The following COL23A1 variants were observed in gnomAD, a reference collection of about 807,000 sequenced individuals.
COL23A1 encodes the protein collagen alpha-1(XXIII) chain.
In COL23A1, 97 loss-of-function variants were observed where a neutral mutation model predicts 99.3. The observed-to-expected ratio is 0.98, with a 90% CI of 0.83 to 1.16. The LOEUF is 1.16. Among genes scored for constraint, COL23A1 ranks in the 50% most tolerant of loss-of-function variants. COL23A1 has a pLI of 0.00. For synonymous variants in COL23A1, 320 were observed against 308.2 expected, an observed-to-expected ratio of 1.04 and a Z score of -0.40; for missense variants, 762 against 757.4, an observed-to-expected ratio of 1.01 and a Z score of -0.07.
chr5:178,468,046 C>T lies in COL23A1; in HGVS notation c.361+92636G>A, dbSNP rs1037023862. ...ACAGGCGTATTTAATATCCCACCCA[C>T]GCATCACCTAACAGCCTCTGGGGCG... On this transcript the variant is annotated intron_variant, in intron 2 of 28. Coordinates refer to ENST00000390654, the MANE Select transcript of COL23A1 (RefSeq NM_173465.4). This position sits in a 1 kb window ranked among gnomAD's most constrained non-coding sequence, Gnocchi z 4.2. Among the ~76,000 whole-genome samples, 3 of 152,182 alleles carry T rather than the reference C, an allele frequency of 2.0e-5. No individual in the cohort carries two copies. Among genetic ancestry groups the T allele is most frequent in the African/African-American group, 4.8e-5 (2 of 41,440 alleles).
At chr5:178,455,058 C>T (rs991752657) in intron 2 of COL23A1, among the ~76,000 whole-genome samples, 1 of 152,222 alleles carries the variant, frequency 6.6e-6, no homozygotes, top group Admixed American at 6.5e-5. Flanking sequence ...ACGGTGGCCA[C>T]GCAGTCTTGT....
chr5:178,520,653 C>T (rs575698375), intron 2 of COL23A1, among the ~76,000 whole-genome samples: 1 of 152,290 alleles, frequency 6.6e-6, no homozygotes, highest in African/African-American at 2.4e-5. Context: ...CACATATTAG[C>T]TATGTGACCT....
At chr5:178,440,548 A>G (rs1766808294) in intron 2 of COL23A1, among the ~76,000 whole-genome samples, 1 of 152,228 alleles carries the variant, frequency 6.6e-6, no homozygotes, top group South Asian at 2.1e-4. Flanking sequence ...AAAATGAAAT[A>G]CAATAGAAAA....
At chr5:178,463,862 C>T (rs1756264092) in intron 2 of COL23A1, among the ~76,000 whole-genome samples, 1 of 152,190 alleles carries the variant, frequency 6.6e-6, no homozygotes, top group South Asian at 2.1e-4. Context: ...GTCCATGCAG[C>T]GTAAATACCA....
At chr5:178,552,638 T>C (rs1270679513) in intron 2 of COL23A1, among the ~76,000 whole-genome samples, 1 of 151,050 alleles carries the variant, frequency 6.6e-6, no homozygotes, top group East Asian at 2.0e-4. Context: ...TGGGAGGGGA[T>C]CTTTTGAAAG....
intron 2 of COL23A1, among the ~76,000 whole-genome samples, chr5:178,504,291 C>T (rs1254105007): frequency 1.3e-5 from 2 of 152,118 alleles, no homozygotes; most frequent in Admixed American, 6.5e-5. Context: ...CAGTTAACTG[C>T]TCTGAGTTTT....
intron 5 of COL23A1, among the ~76,000 whole-genome samples, chr5:178,285,031 G>C (rs945725892): frequency 2.6e-5 from 4 of 152,182 alleles, no homozygotes; most frequent in Non-Finnish European, 5.9e-5. Flanking sequence ...ATCAGAAGAG[G>C]CTGTTAATGC....
chr5:178,572,072 C>CAACAAAAAAAAAA (rs1554199040), intron 1 of COL23A1, among the ~76,000 whole-genome samples: 1 of 109,496 alleles, frequency 9.1e-6, no homozygotes, highest in Non-Finnish European at 1.8e-5. Flanking sequence ...TTTCTCAAAA[C>CAACAAAAAAAAAA]AAAAAAAAAA....
chr5:178,576,624 G>A (rs557560445), intron 1 of COL23A1, among the ~76,000 whole-genome samples: 1 of 152,278 alleles, frequency 6.6e-6, no homozygotes, highest in South Asian at 2.1e-4. Context: ...CCATCCAGGC[G>A]GTAGGAGCGG....
rs371289008 is a variant in COL23A1, at chr5:178,247,536, T to C, written c.1286A>G (p.Gln429Arg). The change falls in exon 22 of 29, where the codon CAG becomes CGG. Residue 429 changes from glutamine (Q) to arginine (R), a missense_variant. Physicochemically the swap from Gln to Arg is conservative, Grantham distance 43 (BLOSUM62 1). Coordinates refer to ENST00000390654, the MANE Select transcript of COL23A1 (RefSeq NM_173465.4). The part of the protein sequence containing the change: ...PPGPMGLQGI[Q>R]GPKGLDGAKG... ...TCTGTGCCCACTCACCTTGGGACCC[T>C]GGATTCCCTGGAGGCCCTGCAGGAG... 7.4e-6 allele frequency: 12 copies of C among 1,613,964 alleles called. No homozygotes were observed. The highest frequency in any genetic ancestry group is 9.3e-6 in the Non-Finnish European group (11 of 1,179,994).
rs774429294 is a variant in COL23A1 at position 178,256,344 on chromosome 5, G to A, written c.882+9C>T. Reference sequence around the variant, plus strand: ...TCCCTGAGGCCTCGCCTGAGGGGCGGCAGCTTACCCGGGGCCCTGCAGCTC... The same window carrying A: ...TCCCTGAGGCCTCGCCTGAGGGGCGACAGCTTACCCGGGGCCCTGCAGCTC... On this transcript the variant is annotated intron_variant, in intron 15 of 28. Transcript: ENST00000390654. 5.0e-6 allele frequency: 8 copies of A among 1,596,500 alleles called. No individual in the cohort carries two copies. The highest frequency in any genetic ancestry group is 4.5e-5 in the South Asian group (4 of 89,200).
chr5:178,476,497 A>G (rs11249805), intron 2 of COL23A1, among the ~76,000 whole-genome samples: 37,511 of 152,178 alleles, frequency 0.25, 4,864 homozygotes, highest in Middle Eastern at 0.31. Context: ...TCCCTTATCT[A>G]TATAATGTAA....
intron 2 of COL23A1, among the ~76,000 whole-genome samples, chr5:178,543,421 A>G (rs565657086): frequency 1.1e-4 from 16 of 152,166 alleles, no homozygotes; most frequent in Admixed American, 2.0e-4. Context: ...GTTGGTTTTT[A>G]TAACAGTCCT....
chr5:178,420,241 T>C (rs1765529670), intron 2 of COL23A1, among the ~76,000 whole-genome samples: 1 of 152,012 alleles, frequency 6.6e-6, no homozygotes, highest in Non-Finnish European at 1.5e-5. Context: ...GGGGAATAGA[T>C]GCACTTCCGT....
At chr5:178,331,950 G>T (rs544374746) in intron 2 of COL23A1, among the ~76,000 whole-genome samples, 1 of 152,342 alleles carries the variant, frequency 6.6e-6, no homozygotes, top group South Asian at 2.1e-4. Context: ...GCGGGAGGCT[G>T]CTGGAGGCCT....
intron 15 of COL23A1, 99 bp downstream of exon 15, chr5:178,256,254 C>A: frequency 1.3e-6 from 1 of 776,472 alleles, no homozygotes; most frequent in East Asian, 3.0e-5. Context: ...TCCTGTAGCT[C>A]CACTGCTCCT....
chr5:178,403,041 G>A (rs1764536222), intron 2 of COL23A1, among the ~76,000 whole-genome samples: 1 of 149,728 alleles, frequency 6.7e-6, no homozygotes, highest in African/African-American at 2.5e-5. Context: ...CCCAGGAGGT[G>A]GAGGTTGAAG....
intron 2 of COL23A1, among the ~76,000 whole-genome samples, chr5:178,541,841 C>T (rs941958674): frequency 9.2e-5 from 14 of 152,196 alleles, no homozygotes; most frequent in Admixed American, 2.6e-4. Context: ...GAATCCATAC[C>T]ACGTGCTTCT....
At chr5:178,359,390 T>A (rs528805294) in intron 2 of COL23A1, among the ~76,000 whole-genome samples, 2 of 152,216 alleles carry the variant, frequency 1.3e-5, no homozygotes, top group East Asian at 3.9e-4. Context: ...TAGCTGGATG[T>A]GGTGGTGGGT....
Sources: gnomAD v4.1 joint callset for allele counts (sites outside exome capture counted in the v4.1 genomes callset) on GRCh38, gnomAD v4.1.1 for gene constraint, Gnocchi (gnomAD v3.1) non-coding constraint, MANE v1.5 for transcripts, NCBI Gene and HGNC (gene_info 2026-07-23, HGNC 2026-07-21) for gene names.